The following GAS6 variants were observed in gnomAD, a reference collection of about 807,000 sequenced individuals.
GAS6 encodes growth arrest-specific protein 6.
GAS6 carries 41 observed loss-of-function variants against 75.8 expected under a neutral mutation model. That is an observed-to-expected ratio of 0.54 (90% CI 0.42 to 0.70). GAS6 has a LOEUF of 0.70. Ranked by LOEUF, GAS6 falls within the 30% of genes least tolerant of loss-of-function variation. GAS6 has a pLI of 0.00. For missense variants in GAS6, 854 were observed against 940.2 expected, an observed-to-expected ratio of 0.91 and a Z score of 1.20; for synonymous variants, 432 against 412.6, an observed-to-expected ratio of 1.05 and a Z score of -0.57.
In GAS6 at chr13:113,863,480, G is replaced by A. The variant is rs1296923562; in HGVS notation, c.255+95C>T. On this transcript the variant is annotated intron_variant, in intron 2 of 14. Coordinates refer to ENST00000327773, the MANE Select transcript of GAS6 (RefSeq NM_000820.4). The surrounding 1 kb of genome is among the most constrained non-coding windows in gnomAD (Gnocchi z 9.4). ...ACCCTGAGGCCAGGCCTCGCCGCGCGGAGCTGGGGGGCGGCAGCAGCGCTG... is the reference window on the plus strand; with the variant it reads ...ACCCTGAGGCCAGGCCTCGCCGCGCAGAGCTGGGGGGCGGCAGCAGCGCTG... The A allele has an allele frequency of 1.6e-6, 2 of 1,247,810 alleles. No homozygotes were observed. Among genetic ancestry groups the A allele is most frequent in the South Asian group, 1.9e-5 (1 of 53,704 alleles). 77.3% of individuals were successfully genotyped at this position (1,247,810 alleles called of 1,614,324 possible).
intron 2 of GAS6, among the ~76,000 whole-genome samples, chr13:113,853,496 T>A (rs1245950420): frequency 1.3e-5 from 2 of 152,232 alleles, no homozygotes; most frequent in Admixed American, 1.3e-4. Context: ...ATACAGCAAA[T>A]AGTGGTTATT....
intron 13 of GAS6, chr13:113,822,533 C>A: frequency 4.5e-6 from 1 of 223,336 alleles, no homozygotes; most frequent in Non-Finnish European, 8.8e-6. Flanking sequence ...CTGATGGGGA[C>A]CCAGGACCCA....
chr13:113,827,771 G>A (rs573489024), intron 11 of GAS6, among the ~76,000 whole-genome samples: 2 of 152,322 alleles, frequency 1.3e-5, no homozygotes, highest in South Asian at 4.1e-4. Flanking sequence ...AAATACCCAG[G>A]ATGACGGCTT....
intron 13 of GAS6, chr13:113,822,633 C>T: frequency 6.2e-6 from 1 of 162,496 alleles, no homozygotes; most frequent in Non-Finnish European, 1.3e-5. Flanking sequence ...TACATAACAG[C>T]AGCTGTTTAT....
intron 2 of GAS6, among the ~76,000 whole-genome samples, chr13:113,858,800 T>C (rs1481159903): frequency 6.6e-6 from 1 of 151,748 alleles, no homozygotes; most frequent in Non-Finnish European, 1.5e-5. Context: ...TGTGACTGTA[T>C]GTATGTCTAT....
chr13:113,858,594 CGT>C lies in GAS6; in HGVS notation c.255+4979_255+4980del, dbSNP rs555974239. Among the ~76,000 whole-genome samples the C allele has an allele frequency of 3.0e-5, 4 of 134,860 alleles. No individual in the cohort carries two copies. The East Asian group carries it at 6.7e-4, about 23-fold the overall frequency. The allele number at this position is 134,860 out of a possible 152,430, so 88.5% of individuals were successfully genotyped here. ...GTGCATGTCTGTGTGTGACTGTGTA[CGT>C]ATGTGTACATGTCTGTGTGTGCCTA... On this transcript the variant is annotated intron_variant, in intron 2 of 14. Coordinates refer to ENST00000327773, the MANE Select transcript of GAS6 (RefSeq NM_000820.4).
rs1225844236 is a variant in GAS6 at position 113,824,382 on chromosome 13, ACGCGCGGTC to A, written c.1478-841_1478-833del. 8.2e-3 allele frequency among the ~76,000 whole-genome samples: 1,232 copies of A among 149,804 alleles called. 88 individuals carry two copies. The highest frequency in any genetic ancestry group is 0.018 in the South Asian group (82 of 4,622). On this transcript the variant is annotated intron_variant, in intron 12 of 14. Transcript: ENST00000327773. ...GTCTGGGGTCTGAGCTGTCAGGAGC[ACGCGCGGTC>A]TGGGGTCTGAGCTGTCAGGAGCACA...
In GAS6 at chr13:113,863,389, G is replaced by A. The variant is rs1221090801; in HGVS notation, c.255+186C>T. Among the ~76,000 whole-genome samples, 2 of 152,168 alleles carry A rather than the reference G, an allele frequency of 1.3e-5. No homozygotes were observed. Among genetic ancestry groups the A allele is most frequent in the Non-Finnish European group, 2.9e-5 (2 of 68,020 alleles). On this transcript the variant is annotated intron_variant, in intron 2 of 14. Transcript: ENST00000327773. This position sits in a 1 kb window ranked among gnomAD's most constrained non-coding sequence, Gnocchi z 9.4. ...CAGCCCCGCAGCGTCTCACCGGCCT[G>A]CGCGGGGATCCCGGGGTCGCCGGGG...
Position 113,832,302 on chromosome 13 carries a change from C to A in GAS6, c.1140G>T (p.Gln380His). 1 of 1,597,740 alleles carries A rather than the reference C, an allele frequency of 6.3e-7. No homozygotes were observed. Among genetic ancestry groups the A allele is most frequent in the South Asian group, 1.1e-5 (1 of 90,974 alleles). Reference protein sequence around the residue: ...SGPVINHGMWQTISVEELARN... With the variant: ...SGPVINHGMWHTISVEELARN... Reference sequence around the variant, plus strand: ...GGGGTGGCTGCCGCACACTCACTGTCTGCCACATGCCATGGTTGATGACCG... The same window carrying A: ...GGGGTGGCTGCCGCACACTCACTGTATGCCACATGCCATGGTTGATGACCG... Residue 380 changes from glutamine (Q) to histidine (H), a missense_variant, in exon 10 of 15, where the codon CAG becomes CAT. Coordinates refer to ENST00000327773, the MANE Select transcript of GAS6 (RefSeq NM_000820.4).
intron 2 of GAS6, among the ~76,000 whole-genome samples, chr13:113,861,131 A>G (rs2051967996): frequency 6.6e-6 from 1 of 152,240 alleles, no homozygotes; most frequent in African/African-American, 2.4e-5. Flanking sequence ...GCAGTGGGAC[A>G]CACTTCGGGC....
intron 2 of GAS6, among the ~76,000 whole-genome samples, chr13:113,861,137 C>CG (rs2051968143): frequency 6.6e-6 from 1 of 152,230 alleles, no homozygotes; most frequent in Non-Finnish European, 1.5e-5. Flanking sequence ...GGACACACTT[C>CG]GGGCAGGTTA....
Position 113,826,572 on chromosome 13 carries a change from CCGGCGCTGGCCTCG to C in GAS6, c.1477+410_1477+423del, listed in dbSNP as rs2051547752. On this transcript the variant is annotated intron_variant, in intron 12 of 14. Coordinates refer to ENST00000327773, the MANE Select transcript of GAS6 (RefSeq NM_000820.4). ...GCAGGCACCTTCTCTCCCCGGCCTC[CCGGCGCTGGCCTCG>C]CAGGCACCTTCTCTCCCCGGCCTCC... 3.9e-5 allele frequency among the ~76,000 whole-genome samples: 4 copies of C among 103,654 alleles called. 1 individual carries two copies. Among genetic ancestry groups the C allele is most frequent in the Non-Finnish European group, 8.0e-5 (4 of 50,290 alleles). 68.0% of individuals were successfully genotyped at this position (103,654 alleles called of 152,430 possible).
chr13:113,847,749 T>G (rs1302985990), intron 3 of GAS6: 1 of 468,682 alleles, frequency 2.1e-6, no homozygotes, highest in Non-Finnish European at 3.8e-6. Context: ...CAATTACACG[T>G]CCTGACAAGG....
intron 10 of GAS6, 42 bp from the exon 11 acceptor site, chr13:113,828,753 T>C: frequency 1.3e-6 from 2 of 1,593,894 alleles, no homozygotes; most frequent in Non-Finnish European, 1.7e-6. Flanking sequence ...GGAGTGCACG[T>C]TCTGAAGGGG....
At chr13:113,858,561 C>T (rs1165135335) in intron 2 of GAS6, among the ~76,000 whole-genome samples, 2 of 129,724 alleles carry the variant, frequency 1.5e-5, no homozygotes, top group Admixed American at 7.6e-5. Context: ...TAGTATGTGC[C>T]TTTGTGTGTG....
rs566757267 is a variant in GAS6 at position 113,848,159 on chromosome 13, A to G, written c.256-109T>C. 1,270 of 1,171,272 alleles carry G rather than the reference A, an allele frequency of 1.1e-3. 4 individuals carry two copies. Among genetic ancestry groups the G allele is most frequent in the Admixed American group, 1.8e-3 (81 of 45,046 alleles). 72.6% of individuals were successfully genotyped at this position (1,171,272 alleles called of 1,614,324 possible). A position where few individuals can be genotyped will look rare whatever the true frequency, so the allele number is the denominator to read the frequency against. ...CAGAGGCTGCTCTCGGGGCAGCCAG[A>G]GGGCCGCCCCACCCGGGGAACTGAG... On this transcript the variant is annotated intron_variant, in intron 2 of 14. Transcript: ENST00000327773. This position sits in a 1 kb window ranked among gnomAD's most constrained non-coding sequence, Gnocchi z 4.8.
intron 14 of GAS6, chr13:113,821,449 C>T (rs930187442): frequency 6.5e-5 from 15 of 231,174 alleles, no homozygotes; most frequent in African/African-American, 2.7e-4. Context: ...GAGGACTTGC[C>T]GGCTCCCACG....
chr13:113,856,902 A>C lies in GAS6; in HGVS notation c.255+6673T>G, dbSNP rs1035740797. On this transcript the variant is annotated intron_variant, in intron 2 of 14. Transcript: ENST00000327773. ...CAATGTTGACTCAGAGAGTGGCCTT[A>C]CTGTACTGTGGACAGTTGGTCCTGG... is the stretch of plus-strand genomic sequence containing the variant. Among the ~76,000 whole-genome samples, 6 of 152,306 alleles carry C rather than the reference A, an allele frequency of 3.9e-5. No homozygotes were observed. In the South Asian group the frequency reaches 1.2e-3, roughly 32 times the overall value.
chr13:113,832,160 A>G lies in GAS6; in HGVS notation c.1143+139T>C, dbSNP rs959366022. The stretch of plus-strand genomic sequence containing the variant: ...TCCCGGAGCATGAACTAAACGGGGC[A>G]GGGGTCCCCGTCCTGCCGGCACGCA... On this transcript the variant is annotated intron_variant, in intron 10 of 14. Coordinates refer to ENST00000327773, the MANE Select transcript of GAS6 (RefSeq NM_000820.4). 3.1e-6 allele frequency: 3 copies of G among 961,978 alleles called. No individual in the cohort carries two copies. The South Asian group carries it at 4.9e-5, about 16-fold the overall frequency. The allele number at this position is 961,978 out of a possible 1,614,324, so 59.6% of individuals were successfully genotyped here.
Sources: allele counts gnomAD v4.1 joint callset (sites outside exome capture counted in the v4.1 genomes callset), GRCh38; gene constraint gnomAD v4.1.1; non-coding constraint Gnocchi (gnomAD v3.1); transcripts MANE v1.5; gene names NCBI Gene and HGNC (gene_info 2026-07-23, HGNC 2026-07-21).